Variants in CTNNA2 observed in about 807,000 individuals in gnomAD.
CTNNA2 encodes the protein catenin alpha 2.
A neutral mutation model predicts 101.0 loss-of-function variants in CTNNA2; 42 were observed. The ratio of observed to expected loss-of-function variants is 0.42; its 90% CI spans 0.32 to 0.54. The LOEUF (loss-of-function observed/expected upper bound fraction) is 0.54, where lower values mean the gene tolerates loss of function less well. Ranked by LOEUF, CTNNA2 falls within the 20% of genes least tolerant of loss-of-function variation. The pLI is 0.14. For synonymous variants in CTNNA2, 450 were observed against 456.4 expected, an observed-to-expected ratio of 0.99 and a Z score of 0.18; for missense variants, 871 against 1,223.1, an observed-to-expected ratio of 0.71 and a Z score of 4.29.
intron 1 of CTNNA2, among the ~76,000 whole-genome samples, chr2:79,567,658 T>G (rs995609582): frequency 1.3e-4 from 20 of 152,000 alleles, no homozygotes; most frequent in Admixed American, 1.3e-3. Context: ...CCCATACAAG[T>G]AGAAGCAGCA....
At chr2:80,433,701 C>A (rs989021255) in intron 9 of CTNNA2, among the ~76,000 whole-genome samples, 1 of 152,128 alleles carries the variant, frequency 6.6e-6, no homozygotes, top group Non-Finnish European at 1.5e-5. Flanking sequence ...GGACCATTTT[C>A]CTCTCTCACT....
Position 80,171,529 on chromosome 2 carries a change from G to T in CTNNA2, c.1057-221682G>T, listed in dbSNP as rs551073146. ...CCCCCAAATATGTGACAACCCAAAG[G>T]TAACAGCAATCTAGGATGGGGAGGC... On this transcript the variant is annotated intron_variant, in intron 7 of 18. Transcript: ENST00000402739. 7.2e-5 allele frequency among the ~76,000 whole-genome samples: 11 copies of T among 152,290 alleles called. No individual in the cohort carries two copies. The South Asian group carries it at 2.1e-3, about 29-fold the overall frequency.
chr2:79,471,731 G>A (rs756994387), intron 4 of CTNNA2, among the ~76,000 whole-genome samples: 9 of 152,078 alleles, frequency 5.9e-5, no homozygotes, highest in African/African-American at 9.6e-5. Context: ...CCAGCTATTC[G>A]GGAGGCTGAG....
At chr2:80,342,841 A>G (rs1471783680) in intron 7 of CTNNA2, among the ~76,000 whole-genome samples, 4 of 152,202 alleles carry the variant, frequency 2.6e-5, no homozygotes, top group African/African-American at 9.6e-5. Flanking sequence ...ACAGAAATGT[A>G]TTGTGTCACA....
At chr2:79,275,300 A>G (rs1225247967) in intron 2 of CTNNA2, among the ~76,000 whole-genome samples, 1 of 152,042 alleles carries the variant, frequency 6.6e-6, no homozygotes, top group African/African-American at 2.4e-5. Flanking sequence ...AGACCCCGGA[A>G]AAGATAATCT....
intron 7 of CTNNA2, among the ~76,000 whole-genome samples, chr2:80,266,698 A>G (rs895640473): frequency 1.4e-4 from 21 of 152,188 alleles, no homozygotes; most frequent in Admixed American, 3.3e-4. Context: ...TCTTGGCTGT[A>G]CTTCATCAGA....
At chr2:79,411,560 T>C (rs1678411130) in intron 4 of CTNNA2, among the ~76,000 whole-genome samples, 2 of 152,090 alleles carry the variant, frequency 1.3e-5, no homozygotes, top group African/African-American at 4.8e-5. Flanking sequence ...GCAGAATCTC[T>C]ACAAACCAGA....
At chr2:79,529,470 T>A (rs2103922824) in intron 1 of CTNNA2, among the ~76,000 whole-genome samples, 1 of 152,242 alleles carries the variant, frequency 6.6e-6, no homozygotes, top group East Asian at 1.9e-4. Context: ...GCTGTTGGTA[T>A]TCAAATTAGA....
intron 3 of CTNNA2, among the ~76,000 whole-genome samples, chr2:79,335,433 T>C (rs1009319433): frequency 6.6e-6 from 1 of 152,100 alleles, no homozygotes; most frequent in African/African-American, 2.4e-5. Context: ...TACTAGAACT[T>C]TGTCTACACT....
At chr2:79,891,927 T>G (rs79009816) in intron 6 of CTNNA2, among the ~76,000 whole-genome samples, 1 of 152,148 alleles carries the variant, frequency 6.6e-6, no homozygotes, top group Admixed American at 6.5e-5. Context: ...CCATGAATAT[T>G]CTTTAATAAA....
intron 7 of CTNNA2, among the ~76,000 whole-genome samples, chr2:80,038,766 A>G (rs1027909405): frequency 1.3e-5 from 2 of 152,166 alleles, no homozygotes. Flanking sequence ...GAATTGCTTG[A>G]ACCCAGGAAG....
intron 9 of CTNNA2, among the ~76,000 whole-genome samples, chr2:80,539,098 A>C (rs1310604577): frequency 6.6e-6 from 1 of 152,122 alleles, no homozygotes; most frequent in Non-Finnish European, 1.5e-5. Context: ...GGCTCACTGT[A>C]ACCTCCACCT....
intron 17 of CTNNA2, among the ~76,000 whole-genome samples, chr2:80,610,859 G>A (rs1698408319): frequency 6.6e-6 from 1 of 151,606 alleles, no homozygotes; most frequent in Non-Finnish European, 1.5e-5. Flanking sequence ...TAATTCAACA[G>A]GTCACGGAGG....
chr2:79,581,841 C>A (rs1190251283), intron 1 of CTNNA2, among the ~76,000 whole-genome samples: 1 of 152,114 alleles, frequency 6.6e-6, no homozygotes, highest in Admixed American at 6.5e-5. Flanking sequence ...AAATGTTATG[C>A]TAACTTTCAC....
At chr2:80,488,048 G>A (rs1354765501) in intron 9 of CTNNA2, among the ~76,000 whole-genome samples, 3 of 152,140 alleles carry the variant, frequency 2.0e-5, no homozygotes, top group Non-Finnish European at 4.4e-5. Flanking sequence ...GAATATCCCA[G>A]TTTCAATGGC....
intron 9 of CTNNA2, among the ~76,000 whole-genome samples, chr2:80,462,631 C>CTTTCTTTTTTTT (rs1177394836): frequency 1.1e-5 from 1 of 94,772 alleles, no homozygotes; most frequent in African/African-American, 4.6e-5. Context: ...TTCTTTCTTT[C>CTTTCTTTTTTTT]TTTTTTTTTT....
intron 7 of CTNNA2, among the ~76,000 whole-genome samples, chr2:80,217,513 A>T (rs1200526458): frequency 6.6e-6 from 1 of 151,950 alleles, no homozygotes; most frequent in East Asian, 1.9e-4. Flanking sequence ...TCAGGGTCTG[A>T]CCCATTGAGT....
intron 3 of CTNNA2, among the ~76,000 whole-genome samples, chr2:79,820,861 G>A (rs569829129): frequency 5.3e-5 from 8 of 151,992 alleles, no homozygotes; most frequent in Non-Finnish European, 7.4e-5. Flanking sequence ...TTCTTTTCCC[G>A]TTAACTGAAA....
intron 3 of CTNNA2, among the ~76,000 whole-genome samples, chr2:79,747,391 T>C (rs948412035): frequency 6.6e-6 from 1 of 152,170 alleles, no homozygotes; most frequent in African/African-American, 2.4e-5. Context: ...ATAAACTGTA[T>C]GCACTTAAAA....
Sources: allele counts gnomAD v4.1 joint callset (sites outside exome capture counted in the v4.1 genomes callset), GRCh38; gene constraint gnomAD v4.1.1; transcripts MANE v1.5; gene names NCBI Gene and HGNC (gene_info 2026-07-23, HGNC 2026-07-21).